The following ERICH1 variants were observed in gnomAD, a reference collection of about 807,000 sequenced individuals.
ERICH1 encodes glutamate rich 1, also known as glutamate-rich protein 1.
A neutral mutation model predicts 39.6 loss-of-function variants in ERICH1; 56 were observed. The observed-to-expected ratio is 1.41, with a 90% CI of 1.14 to 1.77. The LOEUF is 1.77. Among genes scored for constraint, ERICH1 ranks in the 40% most tolerant of loss-of-function variants. The probability of loss-of-function intolerance (pLI) is 0.00; values close to 1 mark genes in which losing one functional copy is unlikely to be tolerated. For synonymous variants in ERICH1, 313 were observed against 223.6 expected, an observed-to-expected ratio of 1.40 and a Z score of -3.57; for missense variants, 826 against 575.4, an observed-to-expected ratio of 1.44 and a Z score of -4.45.
At chr8:636,375 G>T (rs1269367511) in intron 3 of ERICH1, among the ~76,000 whole-genome samples, 1 of 152,220 alleles carries the variant, frequency 6.6e-6, no homozygotes, top group South Asian at 2.1e-4. Context: ...GCTAGAGACT[G>T]TCCTTCTGGT....
intron 3 of ERICH1, among the ~76,000 whole-genome samples, chr8:627,398 G>A (rs1037995061): frequency 1.3e-5 from 2 of 152,178 alleles, no homozygotes; most frequent in African/African-American, 2.4e-5. Context: ...GACTTCACAT[G>A]CCAACTTCAA....
intron 4 of ERICH1, among the ~76,000 whole-genome samples, chr8:671,628 C>A (rs1803429916): frequency 1.3e-5 from 2 of 151,538 alleles, no homozygotes; most frequent in South Asian, 4.2e-4. Flanking sequence ...ACTGAGCGCA[C>A]TGGTCCCCAG....
intron 1 of ERICH1, among the ~76,000 whole-genome samples, chr8:726,393 A>G (rs1371956687): frequency 6.6e-6 from 1 of 150,838 alleles, no homozygotes; most frequent in Non-Finnish European, 1.5e-5. Flanking sequence ...GACACACAGG[A>G]AAACACACAG....
At chr8:643,113 A>G (rs976326082) in intron 3 of ERICH1, among the ~76,000 whole-genome samples, 1 of 151,840 alleles carries the variant, frequency 6.6e-6, no homozygotes, top group East Asian at 2.0e-4. Context: ...GTCCAGGGGA[A>G]GGCGCCCTGC....
Position 727,125 on chromosome 8 carries a change from CCA to C in ERICH1, c.22+4013_22+4014del, listed in dbSNP as rs1257152131. ...ACACACATGCATGCACAGATACACA[CCA>C]CACACACCTGCACAGATGCACACAG... On this transcript the variant is annotated intron_variant, in intron 1 of 5. Transcript: ENST00000262109. 2.6e-5 allele frequency among the ~76,000 whole-genome samples: 4 copies of C among 152,152 alleles called. No homozygotes were observed. The East Asian group carries it at 5.8e-4, about 22-fold the overall frequency.
intron 2 of ERICH1, among the ~76,000 whole-genome samples, chr8:704,698 A>G (rs544869386): frequency 2.0e-5 from 3 of 152,300 alleles, no homozygotes; most frequent in South Asian, 2.1e-4. Flanking sequence ...GCTAAAAAAA[A>G]CCAAAATCCT....
At chr8:670,946 C>G (rs1803175888) in intron 4 of ERICH1, among the ~76,000 whole-genome samples, 1 of 151,812 alleles carries the variant, frequency 6.6e-6, no homozygotes, top group African/African-American at 2.4e-5. Flanking sequence ...CCCCCAGGCT[C>G]CAACCTCTGC....
chr8:699,042 G>T (rs1451525589), intron 2 of ERICH1, among the ~76,000 whole-genome samples: 4 of 151,940 alleles, frequency 2.6e-5, no homozygotes. Flanking sequence ...GGAGCTCAGG[G>T]CCGTGGGTGC....
chr8:717,972 A>G (rs1400839577), intron 1 of ERICH1, among the ~76,000 whole-genome samples: 1 of 152,270 alleles, frequency 6.6e-6, no homozygotes, highest in Admixed American at 6.5e-5. Flanking sequence ...TTTCTGAAAC[A>G]AGGCAGCTGA....
chr8:729,103 C>G (rs1156617667), intron 1 of ERICH1, among the ~76,000 whole-genome samples: 1 of 152,036 alleles, frequency 6.6e-6, no homozygotes, highest in Non-Finnish European at 1.5e-5. Context: ...TCACTTAGCT[C>G]GGGGAGGGAG....
At chr8:710,588 T>G (rs1814503936) in intron 2 of ERICH1, among the ~76,000 whole-genome samples, 1 of 152,272 alleles carries the variant, frequency 6.6e-6, no homozygotes, top group African/African-American at 2.4e-5. Context: ...GTCTCCTCAG[T>G]TTTGCTTTTC....
At chr8:699,262 A>G (rs1456666396) in intron 2 of ERICH1, among the ~76,000 whole-genome samples, 1 of 152,136 alleles carries the variant, frequency 6.6e-6, no homozygotes, top group African/African-American at 2.4e-5. Flanking sequence ...TCCCACCTGC[A>G]TGGATAACTG....
chr8:700,733 C>T (rs1811922178), intron 2 of ERICH1, among the ~76,000 whole-genome samples: 1 of 152,234 alleles, frequency 6.6e-6, no homozygotes, highest in African/African-American at 2.4e-5. Flanking sequence ...CCTGCCCCAT[C>T]GGATGGCCTC....
intron 2 of ERICH1, among the ~76,000 whole-genome samples, chr8:703,331 T>C (rs1812571470): frequency 9.0e-6 from 1 of 111,390 alleles, no homozygotes; most frequent in African/African-American, 2.9e-5. Context: ...AGAGGACAAA[T>C]GAAGGACAGA....
chr8:729,808 A>C (rs1819588420), intron 1 of ERICH1, among the ~76,000 whole-genome samples: 1 of 138,452 alleles, frequency 7.2e-6, no homozygotes. Flanking sequence ...TGGTGAATGG[A>C]GAAAGGTTTT....
intron 2 of ERICH1, among the ~76,000 whole-genome samples, chr8:713,965 C>T (rs1404718470): frequency 6.9e-6 from 1 of 144,516 alleles, no homozygotes; most frequent in African/African-American, 2.8e-5. Context: ...GCGGCCTCTT[C>T]TGGCATCTCT....
intron 3 of ERICH1, among the ~76,000 whole-genome samples, chr8:691,396 TTC>T: frequency 6.6e-6 from 1 of 152,254 alleles, no homozygotes; most frequent in Admixed American, 6.5e-5. Flanking sequence ...CAAGCGAGCC[TTC>T]TACCCTGGGG....
At chr8:674,339 G>C (rs1166290441) in intron 3 of ERICH1, among the ~76,000 whole-genome samples, 1 of 109,180 alleles carries the variant, frequency 9.2e-6, no homozygotes, top group African/African-American at 3.6e-5. Context: ...CTCTTACTTT[G>C]CTGCACAGGC....
At chr8:632,861 G>C (rs966489447) in intron 3 of ERICH1, among the ~76,000 whole-genome samples, 1 of 152,234 alleles carries the variant, frequency 6.6e-6, no homozygotes, top group South Asian at 2.1e-4. Context: ...GTTGTCATCT[G>C]TGGGTGGAGA....
Sources: gnomAD v4.1 joint callset for allele counts (sites outside exome capture counted in the v4.1 genomes callset) on GRCh38, gnomAD v4.1.1 for gene constraint, MANE v1.5 for transcripts, NCBI Gene and HGNC (gene_info 2026-07-23, HGNC 2026-07-21) for gene names.